The following D2HGDH variants were observed in gnomAD, a reference collection of about 807,000 sequenced individuals.
The protein encoded by D2HGDH is D-2-hydroxyglutarate dehydrogenase, also known as D-2-hydroxyglutarate dehydrogenase, mitochondrial.
Under a neutral mutation model 46.9 loss-of-function variants are expected in D2HGDH, and 31 were observed. The ratio of observed to expected loss-of-function variants is 0.66; its 90% CI spans 0.50 to 0.89. The LOEUF is 0.89. Ranked by LOEUF, D2HGDH falls within the 40% of genes least tolerant of loss-of-function variation. The pLI, the probability that D2HGDH is intolerant of heterozygous loss-of-function variation, is 0.00. For synonymous variants in D2HGDH, 364 were observed against 332.6 expected (o/e 1.09, Z -1.03); for missense variants, 698 against 720.8 (o/e 0.97, Z 0.36).
At chr2:241,750,584 G>C (rs893975888) in intron 7 of D2HGDH, among the ~76,000 whole-genome samples, 1 of 152,230 alleles carries the variant, frequency 6.6e-6, no homozygotes, top group Non-Finnish European at 1.5e-5. Context: ...TTTTTGGTGA[G>C]CTGGGAGACT....
intron 6 of D2HGDH, chr2:241,749,940 A>C (rs978813687): frequency 3.1e-6 from 2 of 645,894 alleles, no homozygotes; most frequent in Non-Finnish European, 5.5e-6. Context: ...GTGTGCACCT[A>C]CCCCTCCTGA....
chr2:241,749,174 C>T, intron 6 of D2HGDH: 2 of 834,156 alleles, frequency 2.4e-6, no homozygotes, highest in Non-Finnish European at 3.1e-6. Flanking sequence ...TGCCCAGTCC[C>T]CACCGCCAGA....
In D2HGDH at chr2:241,767,605, T is replaced by G. The variant is rs187563443; in HGVS notation, c.1307-105T>G. 3.3e-4 allele frequency: 499 copies of G among 1,504,554 alleles called. No homozygotes were observed. The African/African-American group carries it at 6.9e-3, about 21-fold the overall frequency. The allele number at this position is 1,504,554 out of a possible 1,614,324, so 93.2% of individuals were successfully genotyped here. The stretch of plus-strand genomic sequence containing the variant: ...CATGAGGGTGAGGCTCAGCCGGGGG[T>G]CTCGGGGTTGCTGGGGAGGGGATCT... On this transcript the variant is annotated intron_variant, in intron 9 of 9. Transcript: ENST00000321264.
chr2:241,743,707 A>T lies in D2HGDH; in HGVS notation c.576A>T (p.Leu192Phe), dbSNP rs780763995. 1.4e-5 allele frequency: 22 copies of T among 1,613,890 alleles called. No homozygotes were observed. The highest frequency in any genetic ancestry group is 1.9e-5 in the Non-Finnish European group (22 of 1,179,946). The change falls in exon 5 of 10, where the codon TTA becomes TTT. Residue 192 changes from leucine (L) to phenylalanine (F), a missense_variant. Coordinates refer to ENST00000321264, the MANE Select transcript of D2HGDH (RefSeq NM_152783.5). This position sits in a 1 kb window ranked among gnomAD's most constrained non-coding sequence, Gnocchi z 4.8. Reference protein sequence around the residue: ...EERDFIMPLDLGAKGSCHIGG... With the variant: ...EERDFIMPLDFGAKGSCHIGG... ...GGGACTTCATCATGCCGCTGGACTTAGGAGCCAAGGGCAGCTGCCACATCG... is the reference window on the plus strand; with the variant it reads ...GGGACTTCATCATGCCGCTGGACTTTGGAGCCAAGGGCAGCTGCCACATCG...
In D2HGDH at chr2:241,750,307, C is replaced by A. The variant is rs772791154; in HGVS notation, c.997+13C>A. 4.3e-6 allele frequency: 7 copies of A among 1,610,320 alleles called. No individual in the cohort carries two copies. Among genetic ancestry groups the A allele is most frequent in the Admixed American group, 1.7e-5 (1 of 59,930 alleles). ...AGCCCGGTGCAAGGTACTGACCCCC[C>A]ACACAGGGGGCAGCTGGTCCTGCAG... On this transcript the variant is annotated intron_variant, in intron 7 of 9. Transcript: ENST00000321264.
At chr2:241,752,050 G>C (rs890773122) in intron 8 of D2HGDH, among the ~76,000 whole-genome samples, 2 of 149,566 alleles carry the variant, frequency 1.3e-5, no homozygotes, top group Non-Finnish European at 3.0e-5. Context: ...GGAGCCCTCA[G>C]TTACCTTCAC....
At chr2:241,739,997 T>C (rs931648503) in intron 2 of D2HGDH, among the ~76,000 whole-genome samples, 3 of 152,022 alleles carry the variant, frequency 2.0e-5, no homozygotes, top group African/African-American at 7.2e-5. Flanking sequence ...ATATCAAAAT[T>C]AGCCGGGCAT....
intron 9 of D2HGDH, among the ~76,000 whole-genome samples, chr2:241,756,582 C>T (rs1206840335): frequency 3.9e-5 from 6 of 152,176 alleles, no homozygotes; most frequent in Non-Finnish European, 7.3e-5. Flanking sequence ...AGTGCAGTGG[C>T]GCAATCTCGG....
intron 9 of D2HGDH, among the ~76,000 whole-genome samples, chr2:241,762,510 T>G (rs535753240): frequency 4.6e-5 from 7 of 152,340 alleles, no homozygotes; most frequent in Admixed American, 1.3e-4. Flanking sequence ...TGCCTGGCAC[T>G]TCTTGGGCTT....
At position 241,735,450 on chromosome 2, in the gene D2HGDH, G is replaced by T. The variant is rs1019774834; in HGVS notation, c.226G>T (p.Gly76Cys). 3.1e-6 allele frequency: 5 copies of T among 1,609,810 alleles called. No homozygotes were observed. The South Asian group carries it at 5.5e-5, about 18-fold the overall frequency. The change falls in exon 2 of 10, where the codon GGC becomes TGC. Residue 76 changes from glycine to cysteine, a missense_variant. Physicochemically the swap from Gly to Cys is radical, Grantham distance 159. Transcript: ENST00000321264. ...GGCCGCCTTTGAGCGCATCGTGCCCGGCGGGGTCGTCACGGACCCGGAAGC... is the reference window on the plus strand; with the variant it reads ...GGCCGCCTTTGAGCGCATCGTGCCCTGCGGGGTCGTCACGGACCCGGAAGC... ...DLAAFERIVPGGVVTDPEALQ... is the reference protein window; with the variant it reads ...DLAAFERIVPCGVVTDPEALQ...
In D2HGDH at chr2:241,768,263, C is replaced by T. The variant is rs776409667; in HGVS notation, c.*294C>T. On this transcript the variant is annotated 3_prime_UTR_variant, in exon 10 of 10. Transcript: ENST00000321264. ...TTGCCCACGTGGAAGCGGGGTGGGT[C>T]TCACTTGCGTGGTGGCCCCTGGCCC... The T allele has an allele frequency of 2.1e-6, 1 of 468,872 alleles. No homozygotes were observed. The highest frequency in any genetic ancestry group is 3.8e-6 in the Non-Finnish European group (1 of 260,448). The allele number at this position is 468,872 out of a possible 1,614,324, so 29.0% of individuals were successfully genotyped here.
At chr2:241,756,632 C>T (rs1021561898) in intron 9 of D2HGDH, among the ~76,000 whole-genome samples, 2 of 152,224 alleles carry the variant, frequency 1.3e-5, no homozygotes, top group African/African-American at 4.8e-5. Flanking sequence ...AGCAATTCTC[C>T]TGCCCCAGCC....
At chr2:241,755,102 T>C in intron 8 of D2HGDH, 1 of 1,304,078 alleles carries the variant, frequency 7.7e-7, no homozygotes, top group Non-Finnish European at 1.0e-6. Context: ...GGCCGATCTG[T>C]CTGAGCCCTA....
At chr2:241,760,637 T>C (rs71430384) in intron 9 of D2HGDH, among the ~76,000 whole-genome samples, 90,222 of 149,602 alleles carry the variant, frequency 0.6, 29,145 homozygotes, top group African/African-American at 0.86. Context: ...CGAAGTCCTT[T>C]GCCACAGTGT....
intron 9 of D2HGDH, among the ~76,000 whole-genome samples, chr2:241,763,686 C>G (rs1223760414): frequency 6.6e-6 from 1 of 152,190 alleles, no homozygotes; most frequent in East Asian, 1.9e-4. Context: ...AGCATCATCT[C>G]TGTGGTCCGG....
chr2:241,746,526 G>C (rs1695904738), intron 6 of D2HGDH, among the ~76,000 whole-genome samples: 1 of 152,148 alleles, frequency 6.6e-6, no homozygotes, highest in Admixed American at 6.5e-5. Context: ...GGCCAAGGCG[G>C]GTGGGTCATT....
intron 2 of D2HGDH, among the ~76,000 whole-genome samples, chr2:241,739,628 A>C (rs1693893059): frequency 6.6e-6 from 1 of 152,236 alleles, no homozygotes; most frequent in South Asian, 2.1e-4. Context: ...AAGGAAACCC[A>C]AAGGCAGAAA....
chr2:241,746,811 C>T (rs901534483), intron 6 of D2HGDH, among the ~76,000 whole-genome samples: 3 of 151,498 alleles, frequency 2.0e-5, no homozygotes, highest in Admixed American at 6.6e-5. Flanking sequence ...TTGCTTCAGA[C>T]CATAAGGCAG....
At position 241,735,471 on chromosome 2, in the gene D2HGDH, G is replaced by A. The variant is rs775638422; in HGVS notation, c.247G>A (p.Glu83Lys). Reference protein sequence around the residue: ...IVPGGVVTDPEALQAPNVDWL... With the variant: ...IVPGGVVTDPKALQAPNVDWL... ...GCCCGGCGGGGTCGTCACGGACCCG[G>A]AAGCGCTGCAGGCTCCCAACGTGGA... The change falls in exon 2 of 10, where the codon GAA becomes AAA. Residue 83 changes from glutamate (E) to lysine (K), a missense_variant. By Grantham distance (56) the Glu-to-Lys change is moderately conservative. Transcript: ENST00000321264. 6.2e-7 allele frequency: 1 copy of A among 1,609,214 alleles called. No individual in the cohort carries two copies. The highest frequency in any genetic ancestry group is 1.3e-5 in the African/African-American group (1 of 75,060).
Sources: allele counts gnomAD v4.1 joint callset (sites outside exome capture counted in the v4.1 genomes callset), GRCh38; gene constraint gnomAD v4.1.1; non-coding constraint Gnocchi (gnomAD v3.1); transcripts MANE v1.5; gene names NCBI Gene and HGNC (gene_info 2026-07-23, HGNC 2026-07-21).